The following KCNIP1 variants were observed in gnomAD, a reference collection of about 807,000 sequenced individuals.
KCNIP1 encodes A-type potassium channel modulatory protein KCNIP1.
KCNIP1 carries 18 observed loss-of-function variants against 33.0 expected under a neutral mutation model. The observed-to-expected ratio is 0.55, with a 90% CI of 0.38 to 0.81. The LOEUF is 0.81. Ranked by LOEUF, KCNIP1 falls within the 30% of genes least tolerant of loss-of-function variation. The probability of loss-of-function intolerance (pLI) is 0.00; values close to 1 mark genes in which losing one functional copy is unlikely to be tolerated. For synonymous variants in KCNIP1, 93 were observed against 98.3 expected (o/e 0.95, Z 0.32); for missense variants, 238 against 271.6 (o/e 0.88, Z 0.87).
chr5:170,649,641 A>T (rs887150011), intron 1 of KCNIP1, among the ~76,000 whole-genome samples: 1 of 152,054 alleles, frequency 6.6e-6, no homozygotes, highest in Non-Finnish European at 1.5e-5. Context: ...TTTCAAATTC[A>T]TCTACTCAGC....
At chr5:170,560,141 T>C (rs529578446) in intron 1 of KCNIP1, among the ~76,000 whole-genome samples, 1 of 152,314 alleles carries the variant, frequency 6.6e-6, no homozygotes, top group South Asian at 2.1e-4. Context: ...GCCAGTTTTC[T>C]GGGCAGTGTG....
chr5:170,373,555 AAAT>A (rs1396154947), intron 1 of KCNIP1, among the ~76,000 whole-genome samples: 1 of 152,262 alleles, frequency 6.6e-6, no homozygotes, highest in Non-Finnish European at 1.5e-5. Context: ...ACTTATTTTA[AAAT>A]AATAATACAT....
intron 1 of KCNIP1, among the ~76,000 whole-genome samples, chr5:170,644,673 G>A (rs1181479617): frequency 1.3e-5 from 2 of 152,252 alleles, no homozygotes; most frequent in African/African-American, 4.8e-5. Flanking sequence ...GAAGGACCTT[G>A]AAACAAATGG....
At chr5:170,456,361 T>C (rs769539957) in intron 1 of KCNIP1, among the ~76,000 whole-genome samples, 1 of 151,980 alleles carries the variant, frequency 6.6e-6, no homozygotes, top group South Asian at 2.1e-4. Flanking sequence ...CTCATGCATA[T>C]GGGGTTTAAA....
intron 1 of KCNIP1, among the ~76,000 whole-genome samples, chr5:170,556,498 C>G (rs1469030813): frequency 6.6e-6 from 1 of 152,204 alleles, no homozygotes; most frequent in African/African-American, 2.4e-5. Context: ...TCAGGGACCC[C>G]AGCTCTCTCT....
chr5:170,406,506 G>A (rs903093158), intron 1 of KCNIP1, among the ~76,000 whole-genome samples: 2 of 152,202 alleles, frequency 1.3e-5, no homozygotes, highest in Admixed American at 6.5e-5. Flanking sequence ...GACAAGAAAT[G>A]GCAGGTAGCA....
chr5:170,716,249 A>G (rs1411152247), intron 1 of KCNIP1, among the ~76,000 whole-genome samples: 1 of 152,258 alleles, frequency 6.6e-6, no homozygotes, highest in African/African-American at 2.4e-5. Flanking sequence ...ATTAAAACTA[A>G]GACCAGAGCA....
At chr5:170,734,741 C>T (rs567487567) in intron 7 of KCNIP1, among the ~76,000 whole-genome samples, 1 of 152,208 alleles carries the variant, frequency 6.6e-6, no homozygotes, top group African/African-American at 2.4e-5. Flanking sequence ...AGATACTGAG[C>T]CCCCATCAAG....
chr5:170,712,363 G>C (rs1406889646), intron 1 of KCNIP1, among the ~76,000 whole-genome samples: 1 of 152,214 alleles, frequency 6.6e-6, no homozygotes, highest in Non-Finnish European at 1.5e-5. Flanking sequence ...TTTATTCACT[G>C]ACTTGTACCT....
At chr5:170,680,811 C>T in intron 1 of KCNIP1, 1 of 317,460 alleles carries the variant, frequency 3.1e-6, no homozygotes, top group Non-Finnish European at 5.7e-6. Flanking sequence ...ACTGGTTAAA[C>T]CTTTGGAGAA....
At chr5:170,596,722 T>A (rs1488429660) in intron 1 of KCNIP1, among the ~76,000 whole-genome samples, 1 of 152,210 alleles carries the variant, frequency 6.6e-6, no homozygotes, top group Non-Finnish European at 1.5e-5. Flanking sequence ...TGAGACCTGC[T>A]TAATCAGTGG....
intron 1 of KCNIP1, among the ~76,000 whole-genome samples, chr5:170,575,341 G>C (rs55896336): frequency 0.054 from 8,162 of 152,222 alleles, 241 homozygotes; most frequent in African/African-American, 0.085. Flanking sequence ...CCCTTTAATA[G>C]GGCATATGTT....
intron 1 of KCNIP1, among the ~76,000 whole-genome samples, chr5:170,634,282 T>A (rs1760197937): frequency 6.6e-6 from 1 of 152,188 alleles, no homozygotes; most frequent in South Asian, 2.1e-4. Flanking sequence ...AGGAATAAAA[T>A]GCTTCCTAAA....
At chr5:170,678,247 G>A (rs1186397983) in intron 1 of KCNIP1, among the ~76,000 whole-genome samples, 1 of 152,228 alleles carries the variant, frequency 6.6e-6, no homozygotes, top group Non-Finnish European at 1.5e-5. Flanking sequence ...TATGAGGACA[G>A]CACAGACTTT....
intron 1 of KCNIP1, among the ~76,000 whole-genome samples, chr5:170,406,644 C>T (rs1245542595): frequency 6.6e-6 from 1 of 152,146 alleles, no homozygotes; most frequent in Non-Finnish European, 1.5e-5. Flanking sequence ...CCCAGGAAAG[C>T]GGTTTATTTC....
chr5:170,502,787 G>A (rs560168596), upstream of KCNIP1, among the ~76,000 whole-genome samples: 3 of 152,204 alleles, frequency 2.0e-5, no homozygotes, highest in African/African-American at 7.2e-5. Flanking sequence ...CTTGGGCAAA[G>A]GATCCTCAGT....
At chr5:170,499,713 TAAGA>T (rs1442712901), upstream of KCNIP1, among the ~76,000 whole-genome samples, 8 of 151,458 alleles carry the variant, frequency 5.3e-5, no homozygotes, top group East Asian at 1.6e-3. Flanking sequence ...AGAAATAAAT[TAAGA>T]AAGAAAGAGA....
intron 1 of KCNIP1, among the ~76,000 whole-genome samples, chr5:170,546,834 C>T (rs1341267126): frequency 2.0e-5 from 3 of 152,180 alleles, no homozygotes; most frequent in Non-Finnish European, 4.4e-5. Flanking sequence ...GTCACTCGCA[C>T]ATAAATATTA....
intron 1 of KCNIP1, among the ~76,000 whole-genome samples, chr5:170,567,058 T>C (rs978293003): frequency 2.6e-5 from 4 of 152,224 alleles, no homozygotes; most frequent in African/African-American, 9.6e-5. Context: ...CAGTTGTCCC[T>C]GACAGTGGGA....
Sources: gnomAD v4.1 joint callset for allele counts (sites outside exome capture counted in the v4.1 genomes callset) on GRCh38, gnomAD v4.1.1 for gene constraint, MANE v1.5 for transcripts, NCBI Gene and HGNC (gene_info 2026-07-23, HGNC 2026-07-21) for gene names.